Variants in PTGR1 observed in about 807,000 individuals in gnomAD.
PTGR1 encodes 15-oxoprostaglandin 13-reductase.
Under a neutral mutation model 37.7 loss-of-function variants are expected in PTGR1, and 23 were observed. The observed-to-expected ratio is 0.61, with a 90% confidence interval of 0.44 to 0.86. PTGR1 has a LOEUF of 0.86. PTGR1 is among the 40% of genes least tolerant of loss of function. The pLI is 0.00. For synonymous variants in PTGR1, 134 were observed against 140.0 expected, an observed-to-expected ratio of 0.96 and a Z score of 0.30; for missense variants, 351 against 394.3, an observed-to-expected ratio of 0.89 and a Z score of 0.93.
intron 9 of PTGR1, chr9:111,549,937 C>G (rs569543463): frequency 1.7e-6 from 1 of 587,044 alleles, no homozygotes; most frequent in African/African-American, 1.9e-5. Flanking sequence ...ATGGTCAATA[C>G]TTGTTTCTTT....
chr9:111,558,519 A>G (rs771589541), downstream of PTGR1, among the ~76,000 whole-genome samples: 1 of 152,202 alleles, frequency 6.6e-6, no homozygotes. Flanking sequence ...TTAAAAAAAG[A>G]AAACTGAAAA....
intron 9 of PTGR1, 35 bp downstream of exon 9, chr9:111,570,056 G>A (rs1313789035): frequency 2.5e-6 from 4 of 1,613,004 alleles, no homozygotes; most frequent in Non-Finnish European, 3.4e-6. Context: ...GTGACCTAGT[G>A]TACAATTGGA....
At chr9:111,590,044 A>T (rs1048817204) in intron 4 of PTGR1, among the ~76,000 whole-genome samples, 1 of 152,210 alleles carries the variant, frequency 6.6e-6, no homozygotes, top group African/African-American at 2.4e-5. Flanking sequence ...AAAATTTTAA[A>T]CTGTAATTGG....
chr9:111,597,995 T>G (rs1183156360), intron 1 of PTGR1, among the ~76,000 whole-genome samples: 1 of 44,058 alleles, frequency 2.3e-5, no homozygotes, highest in Non-Finnish European at 4.7e-5. Flanking sequence ...TTCAGGTGCG[T>G]TTTTTTTTTT....
intron 6 of PTGR1, among the ~76,000 whole-genome samples, chr9:111,582,851 G>C (rs1437502158): frequency 6.6e-6 from 1 of 152,158 alleles, no homozygotes; most frequent in Non-Finnish European, 1.5e-5. Flanking sequence ...CTGCATCCCA[G>C]CCTTGGGCAA....
intron 3 of PTGR1, among the ~76,000 whole-genome samples, chr9:111,593,344 C>T (rs1564623008): frequency 6.6e-6 from 1 of 152,070 alleles, no homozygotes; most frequent in African/African-American, 2.4e-5. Flanking sequence ...ACTAGCTACG[C>T]AAAAAGATGC....
intron 9 of PTGR1, among the ~76,000 whole-genome samples, chr9:111,569,209 G>C (rs1383141369): frequency 1.3e-5 from 2 of 152,134 alleles, no homozygotes; most frequent in African/African-American, 2.4e-5. Flanking sequence ...ACTGAGCCCA[G>C]ACGAGCTAAC....
intron 8 of PTGR1, 143 bp from the exon 9 acceptor site, chr9:111,570,352 C>T (rs1314840152): frequency 3.7e-6 from 5 of 1,359,162 alleles, no homozygotes; most frequent in Non-Finnish European, 4.9e-6. Context: ...CCTTTCTGAT[C>T]CACGGGACTG....
At chr9:111,557,438 A>T (rs1262468403) in intron 9 of PTGR1, among the ~76,000 whole-genome samples, 1 of 64,194 alleles carries the variant, frequency 1.6e-5, no homozygotes, top group African/African-American at 1.1e-4. Context: ...AGGAAAACTC[A>T]TTATCTTTTT....
At chr9:111,574,538 G>A (rs1486284056) in intron 8 of PTGR1, 196 bp downstream of exon 8, 4 of 356,816 alleles carry the variant, frequency 1.1e-5, no homozygotes, top group East Asian at 5.3e-5. Context: ...TTGTAGAGAC[G>A]GCATTTTGCC....
At position 111,597,337 on chromosome 9, in the gene PTGR1, A is replaced by C. The variant is rs1173449154; in HGVS notation, c.86T>G (p.Leu29Arg). The change falls in exon 2 of 10, where the codon CTC becomes CGC. Residue 29 changes from leucine to arginine, a missense_variant. Transcript: ENST00000407693. ...CTTACCTCCATTTTTTAAGGGTGGG[A>C]GCTCAGCTGTCTTCAACTCAAAGTC... ...NSDFELKTAE[L>R]PPLKNGEVLL... 21 of 1,610,828 alleles carry C rather than the reference A, an allele frequency of 1.3e-5. No homozygotes were observed. The highest frequency in any genetic ancestry group is 1.6e-5 in the Non-Finnish European group (19 of 1,177,420).
At chr9:111,588,796 G>A (rs2132425610) in intron 4 of PTGR1, among the ~76,000 whole-genome samples, 1 of 152,264 alleles carries the variant, frequency 6.6e-6, no homozygotes, top group East Asian at 1.9e-4. Context: ...AAAGTACTGA[G>A]ATTACAGGCG....
At position 111,588,283 on chromosome 9, in the gene PTGR1, G is replaced by A. The variant is rs187377059; in HGVS notation, c.210-2118C>T. Among the ~76,000 whole-genome samples the A allele has an allele frequency of 4.4e-3, 659 of 149,354 alleles. 5 individuals carry two copies. The highest frequency in any genetic ancestry group is 0.015 in the African/African-American group (608 of 40,334). On this transcript the variant is annotated intron_variant, in intron 4 of 9. Transcript: ENST00000407693. ...GTGATCTCAGCTCACTGCAAGCTCC[G>A]CCTCCCCGGTTCACACCATTGTCCT... is the stretch of plus-strand genomic sequence containing the variant.
intron 9 of PTGR1, 41 bp from the exon 10 acceptor site, chr9:111,563,272 AT>A (rs759241347): frequency 1.3e-6 from 2 of 1,561,576 alleles, no homozygotes; most frequent in Non-Finnish European, 1.8e-6. Context: ...TTAATTTAAT[AT>A]TCTCAATGAT....
chr9:111,570,888 A>G (rs148677517), intron 8 of PTGR1, among the ~76,000 whole-genome samples: 293 of 152,330 alleles, frequency 1.9e-3, no homozygotes, highest in African/African-American at 6.9e-3. Context: ...GGGATACAGG[A>G]AAGTTACAGT....
intron 9 of PTGR1, among the ~76,000 whole-genome samples, chr9:111,565,525 T>C (rs1413254998): frequency 1.3e-5 from 2 of 152,054 alleles, no homozygotes; most frequent in Non-Finnish European, 2.9e-5. Context: ...AAACTTCTAT[T>C]TTTATTTTTG....
chr9:111,584,219 C>T (rs1043145497), intron 5 of PTGR1, among the ~76,000 whole-genome samples: 1 of 152,140 alleles, frequency 6.6e-6, no homozygotes, highest in Non-Finnish European at 1.5e-5. Flanking sequence ...CATTGGATTG[C>T]GAGTTTGGAA....
chr9:111,579,035 G>C, intron 6 of PTGR1, 84 bp from the exon 7 acceptor site: 1 of 1,335,710 alleles, frequency 7.5e-7, no homozygotes, highest in Non-Finnish European at 1.0e-6. Flanking sequence ...CGTATGCCTA[G>C]GTTCCCTAGG....
intron 9 of PTGR1, among the ~76,000 whole-genome samples, chr9:111,568,342 C>T (rs1210875864): frequency 6.6e-6 from 1 of 152,106 alleles, no homozygotes; most frequent in African/African-American, 2.4e-5. Context: ...GAGATAAGCA[C>T]TGAAATACGC....
Sources: gnomAD v4.1 joint callset for allele counts (sites outside exome capture counted in the v4.1 genomes callset) on GRCh38, gnomAD v4.1.1 for gene constraint, MANE v1.5 for transcripts, NCBI Gene and HGNC (gene_info 2026-07-23, HGNC 2026-07-21) for gene names.